Variants in RGS3 observed in about 807,000 individuals in gnomAD.
The protein encoded by RGS3 is regulator of G-protein signalling 3.
Under a neutral mutation model 132.6 loss-of-function variants are expected in RGS3, and 80 were observed. The ratio of observed to expected loss-of-function variants is 0.60; its 90% confidence interval spans 0.50 to 0.73. RGS3 has a LOEUF of 0.73. Ranked by LOEUF, RGS3 falls within the 30% of genes least tolerant of loss-of-function variation. The pLI, the probability that RGS3 is intolerant of heterozygous loss-of-function variation, is 0.00. For missense variants in RGS3, 1,382 were observed against 1,530.8 expected, an observed-to-expected ratio of 0.90 and a Z score of 1.62; for synonymous variants, 598 against 620.6, an observed-to-expected ratio of 0.96 and a Z score of 0.54.
At chr9:113,479,635 C>T in intron 4 of RGS3, 94 bp downstream of exon 2, 1 of 1,112,490 alleles carries the variant, frequency 9.0e-7, no homozygotes, top group Non-Finnish European at 1.4e-6. Context: ...CACCATGGGC[C>T]AAGGCTTCTT....
chr9:113,595,445 G>A, intron 23 of RGS3, 154 bp from the exon 22 acceptor site: 1 of 745,138 alleles, frequency 1.3e-6, no homozygotes, highest in Non-Finnish European at 2.2e-6. Context: ...GGCAGGGCTG[G>A]GGCCACATCC....
intron 10 of RGS3, chr9:113,501,703 A>T (rs1159480622): frequency 1.4e-6 from 2 of 1,417,788 alleles, no homozygotes; most frequent in Admixed American, 2.0e-5. Flanking sequence ...TCTGAGAAGG[A>T]TCTCGCTCCT....
At chr9:113,576,522 G>T (rs1834533477) in intron 19 of RGS3, among the ~76,000 whole-genome samples, 1 of 151,992 alleles carries the variant, frequency 6.6e-6, no homozygotes, top group African/African-American at 2.4e-5. Context: ...GGTAGAGACG[G>T]GGTTTCACCA....
chr9:113,560,492 G>A (rs966077590), intron 19 of RGS3, among the ~76,000 whole-genome samples: 3 of 152,280 alleles, frequency 2.0e-5, no homozygotes, highest in African/African-American at 4.8e-5. Flanking sequence ...GGCAGCCCCC[G>A]TTTGCAGCAT....
chr9:113,587,618 A>T (rs1353791940), intron 20 of RGS3, among the ~76,000 whole-genome samples: 1 of 152,224 alleles, frequency 6.6e-6, no homozygotes, highest in African/African-American at 2.4e-5. Context: ...CCCAGAGTAC[A>T]TGCTGCCTGC....
At chr9:113,484,885 A>G (rs1235019914) in intron 6 of RGS3, among the ~76,000 whole-genome samples, 2 of 152,192 alleles carry the variant, frequency 1.3e-5, no homozygotes, top group Non-Finnish European at 2.9e-5. Flanking sequence ...TATGATAGGA[A>G]AATAGAAAAT....
exon 20 of RGS3, chr9:113,584,263 C>T (rs201511197): frequency 1.2e-6 from 2 of 1,612,260 alleles, no homozygotes; most frequent in African/African-American, 1.3e-5. Flanking sequence ...GCTGCAGGAG[C>T]CCCGAGGGCC....
chr9:113,593,704 T>C (rs1223536612), intron 21 of RGS3: 2 of 583,928 alleles, frequency 3.4e-6, no homozygotes, highest in African/African-American at 3.7e-5. Flanking sequence ...GGGGCGAACA[T>C]GAGCAAGAGG....
upstream of RGS3, among the ~76,000 whole-genome samples, chr9:113,455,364 A>T (rs1829342891): frequency 1.3e-5 from 2 of 152,216 alleles, no homozygotes; most frequent in African/African-American, 4.8e-5. Flanking sequence ...GGATTATGCC[A>T]GGCCAAGTTG....
At chr9:113,590,674 T>A (rs763372486) in intron 20 of RGS3, among the ~76,000 whole-genome samples, 28 of 151,934 alleles carry the variant, frequency 1.8e-4, no homozygotes, top group South Asian at 8.3e-4. Flanking sequence ...CTTCTGTTGG[T>A]TGGAAGGCAG....
intron 19 of RGS3, among the ~76,000 whole-genome samples, chr9:113,577,423 A>T (rs1834583112): frequency 6.6e-6 from 1 of 152,230 alleles, no homozygotes; most frequent in African/African-American, 2.4e-5. Flanking sequence ...GGATTTGAGG[A>T]TTGACCATGG....
chr9:113,555,920 C>G (rs1321337226), intron 19 of RGS3, among the ~76,000 whole-genome samples: 3 of 152,194 alleles, frequency 2.0e-5, no homozygotes, highest in Non-Finnish European at 2.9e-5. Flanking sequence ...TTCTTGACTT[C>G]TCGATTTTAA....
intron 3 of RGS3, among the ~76,000 whole-genome samples, chr9:113,465,439 C>CTCTG (rs1554754558): frequency 1.5e-5 from 2 of 135,310 alleles, no homozygotes; most frequent in African/African-American, 2.8e-5. Context: ...ACACCTATTT[C>CTCTG]TGTGTGTGTG....
rs577223799 is a variant in RGS3, at chr9:113,496,846, C to G, written c.751-468C>G. 2.6e-5 allele frequency among the ~76,000 whole-genome samples: 4 copies of G among 152,152 alleles called. No individual in the cohort carries two copies. In the South Asian group the frequency reaches 8.3e-4, roughly 32 times the overall value. ...GATTACAGGTGTGAGCCACCGCGCC[C>G]GGTCTAGAGCTTCTCTTGACTGCAG... On this transcript the variant is annotated intron_variant, in intron 8 of 24. Coordinates refer to ENST00000350696, the Ensembl canonical transcript of RGS3.
chr9:113,510,414 C>A (rs1171822625), intron 14 of RGS3, among the ~76,000 whole-genome samples: 1 of 152,196 alleles, frequency 6.6e-6, no homozygotes, highest in African/African-American at 2.4e-5. Flanking sequence ...TTCTGTAGGT[C>A]CAGTGCAGGA....
In RGS3 at chr9:113,484,131, A is replaced by G. The variant is rs375542048; in HGVS notation, c.526-7A>G. On this transcript the variant is annotated splice_polypyrimidine_tract_variant and splice_region_variant and intron_variant, in intron 5 of 24. Transcript: ENST00000350696. Reference sequence around the variant, plus strand: ...CGCTAATCATGCTTCCTTTTTTCCAATTCAAGATTTCTTTGATCCCTGAAG... The same window carrying G: ...CGCTAATCATGCTTCCTTTTTTCCAGTTCAAGATTTCTTTGATCCCTGAAG... 2.5e-6 allele frequency: 4 copies of G among 1,585,256 alleles called. No individual in the cohort carries two copies. The highest frequency in any genetic ancestry group is 2.7e-5 in the African/African-American group (2 of 74,336).
chr9:113,539,534 T>C (rs535391682), intron 19 of RGS3, among the ~76,000 whole-genome samples: 1 of 152,330 alleles, frequency 6.6e-6, no homozygotes, highest in East Asian at 1.9e-4. Context: ...GGTCTCGAAC[T>C]CCTGACCTCA....
intron 7 of RGS3, among the ~76,000 whole-genome samples, chr9:113,492,280 G>A (rs988540494): frequency 1.1e-4 from 16 of 152,004 alleles, no homozygotes; most frequent in Non-Finnish European, 2.2e-4. Flanking sequence ...CCTTTGTAAC[G>A]GCTGTTCCCT....
Position 113,579,604 on chromosome 9 carries a change from G to A in RGS3, c.2038-3846G>A, listed in dbSNP as rs1467693983. 6.6e-6 allele frequency among the ~76,000 whole-genome samples: 1 copy of A among 152,174 alleles called. No individual in the cohort carries two copies. The highest frequency in any genetic ancestry group is 1.5e-5 in the Non-Finnish European group (1 of 68,018). On this transcript the variant is annotated intron_variant, in intron 19 of 24. Transcript: ENST00000350696. This position sits in a 1 kb window ranked among gnomAD's most constrained non-coding sequence, Gnocchi z 4.3. ...CTGGTCTTCCTGGGGCGCCCTGGCT[G>A]GATTCTTGTTACTTCAGCTGTTGCA...
Sources: allele counts gnomAD v4.1 joint callset (sites outside exome capture counted in the v4.1 genomes callset), GRCh38; gene constraint gnomAD v4.1.1; non-coding constraint Gnocchi (gnomAD v3.1); transcripts MANE v1.5; gene names NCBI Gene and HGNC (gene_info 2026-07-23, HGNC 2026-07-21).